Variants in SETBP1 observed in about 807,000 individuals in gnomAD.
SETBP1 encodes SET-binding protein.
Under a neutral mutation model 101.0 loss-of-function variants are expected in SETBP1, and 9 were observed. The observed-to-expected ratio is 0.09, with a 90% CI of 0.05 to 0.16. SETBP1 has a LOEUF of 0.16. Among genes scored for constraint, SETBP1 ranks in the 10% least tolerant of loss-of-function variants. The probability of loss-of-function intolerance (pLI) is 1.00; values close to 1 mark genes in which losing one functional copy is unlikely to be tolerated. For missense variants in SETBP1, 1,858 were observed against 2,033.8 expected (o/e 0.91, Z 1.66); for synonymous variants, 818 against 788.5 (o/e 1.04, Z -0.63).
intron 3 of SETBP1, among the ~76,000 whole-genome samples, chr18:44,909,207 C>T (rs1345774768): frequency 1.3e-5 from 2 of 152,232 alleles, no homozygotes; most frequent in Admixed American, 1.3e-4. Flanking sequence ...ACTTCTTTAA[C>T]TGCTGGCAGT....
At chr18:44,895,375 CAA>C (rs1451999058) in intron 3 of SETBP1, among the ~76,000 whole-genome samples, 5 of 151,824 alleles carry the variant, frequency 3.3e-5, no homozygotes, top group Non-Finnish European at 7.4e-5. Flanking sequence ...ATCAAATACT[CAA>C]GTTATTGAGA....
intron 2 of SETBP1, among the ~76,000 whole-genome samples, chr18:44,854,015 T>C (rs1228879377): frequency 2.0e-5 from 3 of 152,202 alleles, no homozygotes; most frequent in East Asian, 1.9e-4. Context: ...ATACCTTTTT[T>C]CTCATTACTT....
At chr18:44,722,316 C>G (rs775512359) in intron 2 of SETBP1, among the ~76,000 whole-genome samples, 1 of 152,192 alleles carries the variant, frequency 6.6e-6, no homozygotes, top group Non-Finnish European at 1.5e-5. Flanking sequence ...TTTGTGCCCC[C>G]TTCCCTTGCT....
intron 2 of SETBP1, among the ~76,000 whole-genome samples, chr18:44,864,821 C>T (rs1302803371): frequency 2.0e-5 from 3 of 152,052 alleles, no homozygotes; most frequent in Non-Finnish European, 2.9e-5. Context: ...TCATTTTACT[C>T]CCTCTCTGCC....
intron 1 of SETBP1, among the ~76,000 whole-genome samples, chr18:44,684,462 A>T (rs1380389089): frequency 6.6e-6 from 1 of 152,100 alleles, no homozygotes; most frequent in African/African-American, 2.4e-5. Flanking sequence ...GAGATACATC[A>T]CACTGGGGCT....
chr18:44,803,917 T>C (rs990680088), intron 2 of SETBP1, among the ~76,000 whole-genome samples: 3 of 152,194 alleles, frequency 2.0e-5, no homozygotes, highest in African/African-American at 4.8e-5. Flanking sequence ...TCATGGTCTG[T>C]TGCAAAATGA....
chr18:44,806,691 T>C (rs2071747572), intron 2 of SETBP1, among the ~76,000 whole-genome samples: 1 of 135,790 alleles, frequency 7.4e-6, no homozygotes. Flanking sequence ...CTTTAAGAGA[T>C]AGGGTCTTGT....
intron 2 of SETBP1, among the ~76,000 whole-genome samples, chr18:44,864,852 C>T (rs1461757830): frequency 6.6e-6 from 1 of 151,988 alleles, no homozygotes; most frequent in Non-Finnish European, 1.5e-5. Flanking sequence ...GGATCCCCCT[C>T]AACCCTAGAC....
At chr18:44,846,401 C>T (rs1312389397) in intron 2 of SETBP1, among the ~76,000 whole-genome samples, 1 of 152,206 alleles carries the variant, frequency 6.6e-6, no homozygotes, top group Non-Finnish European at 1.5e-5. Context: ...AAAAGAAACT[C>T]ATACTCATTT....
chr18:44,700,947 G>T (rs550189946), intron 1 of SETBP1, among the ~76,000 whole-genome samples: 1 of 152,302 alleles, frequency 6.6e-6, no homozygotes, highest in South Asian at 2.1e-4. Flanking sequence ...TGGGCCTACA[G>T]CTATAAAATT....
rs796825174 is a variant in SETBP1, at chr18:45,050,845, T to C, written c.4171+12190T>C. On this transcript the variant is annotated intron_variant, in intron 5 of 5. Transcript: ENST00000649279. Reference sequence around the variant, plus strand: ...TTCCTGGAGTGCCTGGGGATAGTTTTGTTACTCAAAAATTCTCCTCCAGGG... The same window carrying C: ...TTCCTGGAGTGCCTGGGGATAGTTTCGTTACTCAAAAATTCTCCTCCAGGG... Among the ~76,000 whole-genome samples the C allele has an allele frequency of 1.2e-4, 19 of 152,370 alleles. 1 individual carries two copies. The highest frequency in any genetic ancestry group is 4.6e-4 in the African/African-American group (19 of 41,596).
intron 4 of SETBP1, among the ~76,000 whole-genome samples, chr18:45,017,519 C>T (rs1316308080): frequency 6.6e-6 from 1 of 152,188 alleles, no homozygotes; most frequent in African/African-American, 2.4e-5. Flanking sequence ...AAGGAAGGGA[C>T]CTTTGCAGGG....
chr18:44,954,411 G>A (rs951823115), intron 4 of SETBP1, among the ~76,000 whole-genome samples: 2 of 150,838 alleles, frequency 1.3e-5, no homozygotes. Flanking sequence ...CCAAAGCCTG[G>A]CTTTAAAAAC....
At chr18:44,891,139 T>C (rs1357731567) in intron 3 of SETBP1, among the ~76,000 whole-genome samples, 1 of 151,978 alleles carries the variant, frequency 6.6e-6, no homozygotes, top group African/African-American at 2.4e-5. Flanking sequence ...GCAGAGAAAC[T>C]CTCCCTAATA....
intron 1 of SETBP1, among the ~76,000 whole-genome samples, chr18:44,690,487 T>C (rs1043163189): frequency 6.6e-6 from 1 of 152,248 alleles, no homozygotes; most frequent in East Asian, 1.9e-4. Context: ...ACTTTATTAT[T>C]ATCTGTTAGA....
intron 3 of SETBP1, among the ~76,000 whole-genome samples, chr18:44,879,344 T>C (rs926666200): frequency 3.3e-5 from 5 of 152,194 alleles, no homozygotes; most frequent in African/African-American, 1.2e-4. Flanking sequence ...GTAAGTTATT[T>C]AACTTTTATG....
At chr18:44,720,509 G>T (rs935565088) in intron 2 of SETBP1, among the ~76,000 whole-genome samples, 6 of 152,226 alleles carry the variant, frequency 3.9e-5, no homozygotes, top group Non-Finnish European at 7.3e-5. Flanking sequence ...GGGCACTTGA[G>T]CAGGTGACAG....
At position 44,698,198 on chromosome 18, in the gene SETBP1, C is replaced by T. The variant is rs533664762; in HGVS notation, c.-172-2977C>T. Among the ~76,000 whole-genome samples the T allele has an allele frequency of 2.4e-4, 36 of 152,286 alleles. No homozygotes were observed. The South Asian group carries it at 7.1e-3, about 30-fold the overall frequency. ...CTCACATTGCCCTGGTTTGGGTCTT[C>T]AAGCAATGTGAATGAAATTTCAGCT... On this transcript the variant is annotated intron_variant, in intron 1 of 5. Coordinates refer to ENST00000649279, the MANE Select transcript of SETBP1 (RefSeq NM_015559.3).
chr18:44,795,055 A>G (rs1464123380), intron 2 of SETBP1, among the ~76,000 whole-genome samples: 2 of 152,208 alleles, frequency 1.3e-5, no homozygotes, highest in Non-Finnish European at 2.9e-5. Flanking sequence ...GTAAGTTGAT[A>G]AAGTGCTGCT....
Sources: gnomAD v4.1 joint callset for allele counts (sites outside exome capture counted in the v4.1 genomes callset) on GRCh38, gnomAD v4.1.1 for gene constraint, MANE v1.5 for transcripts, NCBI Gene and HGNC (gene_info 2026-07-23, HGNC 2026-07-21) for gene names.